EFCC1: variants seen among roughly 807,000 people sequenced by gnomAD.
EFCC1 encodes EF-hand and coiled-coil domain containing 1, also known as EF-hand and coiled-coil domain-containing protein 1.
A neutral mutation model predicts 52.1 loss-of-function variants in EFCC1; 50 were observed. The observed-to-expected ratio is 0.96, with a 90% CI of 0.76 to 1.21. The LOEUF (loss-of-function observed/expected upper bound fraction) is 1.21. Among genes scored for constraint, EFCC1 ranks in the 50% most tolerant of loss-of-function variants. The pLI is 0.00. For synonymous variants in EFCC1, 399 were observed against 396.5 expected, an observed-to-expected ratio of 1.01 and a Z score of -0.08; for missense variants, 837 against 867.3, an observed-to-expected ratio of 0.97 and a Z score of 0.44.
intron 2 of EFCC1, among the ~76,000 whole-genome samples, chr3:129,027,490 G>A (rs1178431716): frequency 1.3e-5 from 2 of 152,176 alleles, no homozygotes; most frequent in African/African-American, 2.4e-5. Context: ...CGGATCAGCC[G>A]CGGGAGGCTC....
At chr3:129,022,835 G>A (rs532421918) in intron 2 of EFCC1, among the ~76,000 whole-genome samples, 3 of 152,366 alleles carry the variant, frequency 2.0e-5, no homozygotes, top group Admixed American at 6.5e-5. Context: ...AAGTGCGGCA[G>A]GCAGGGGTGA....
In EFCC1 at chr3:129,037,069, G is replaced by A. The variant is rs1395328601; in HGVS notation, c.1545G>A (p.Glu515=). 6.2e-7 allele frequency: 1 copy of A among 1,613,184 alleles called. No homozygotes were observed. Among genetic ancestry groups the A allele is most frequent in the Non-Finnish European group, 8.5e-7 (1 of 1,179,778 alleles). Residue 515 remains glutamate (E), a synonymous_variant, in exon 6 of 8, where the codon GAG becomes GAA. Transcript: ENST00000683648. ...AGAGGGTGCGGCTGTCCCTGCTGGAGGAGAAGCTGGTGGACGTGCTGCAGC... is the reference window on the plus strand; with the variant it reads ...AGAGGGTGCGGCTGTCCCTGCTGGAAGAGAAGCTGGTGGACGTGCTGCAGC... ...ETERVRLSLL[E]EKLVDVLQLL...
intron 6 of EFCC1, among the ~76,000 whole-genome samples, chr3:129,038,011 C>T (rs1946377909): frequency 6.6e-6 from 1 of 151,648 alleles, no homozygotes; most frequent in East Asian, 1.9e-4. Context: ...TTGCAGTGAG[C>T]TGAGATTGTG....
intron 2 of EFCC1, among the ~76,000 whole-genome samples, chr3:129,030,070 C>T (rs1056413927): frequency 9.2e-5 from 14 of 151,834 alleles, no homozygotes; most frequent in African/African-American, 3.1e-4. Flanking sequence ...CCTGTAGTCC[C>T]AGCTAATTGT....
chr3:129,015,423 G>C (rs1057110958), intron 2 of EFCC1, among the ~76,000 whole-genome samples: 3 of 152,110 alleles, frequency 2.0e-5, no homozygotes, highest in African/African-American at 2.4e-5. Flanking sequence ...CTCCTTCGGG[G>C]GGGGAGGTTG....
At chr3:129,018,172 G>A (rs1256301497) in intron 2 of EFCC1, among the ~76,000 whole-genome samples, 1 of 152,092 alleles carries the variant, frequency 6.6e-6, no homozygotes, top group Non-Finnish European at 1.5e-5. Flanking sequence ...GCTGGCCTTG[G>A]GAGTAAAGAT....
At chr3:129,015,591 C>G (rs1381052641) in intron 2 of EFCC1, among the ~76,000 whole-genome samples, 3 of 152,078 alleles carry the variant, frequency 2.0e-5, no homozygotes, top group Non-Finnish European at 4.4e-5. Context: ...CACGGCGCCC[C>G]CGAGAGCTGA....
Position 129,034,338 on chromosome 3 carries a change from A to C in EFCC1, c.1452+9A>C. 1 of 1,613,350 alleles carries C rather than the reference A, an allele frequency of 6.2e-7. No individual in the cohort carries two copies. The highest frequency in any genetic ancestry group is 8.5e-7 in the Non-Finnish European group (1 of 1,179,750). ...GGACCTCTGAGGAGGAGGTCAGCAG[A>C]GCCTAGAGATCAAAGGCTGGAGCAA... is the stretch of plus-strand genomic sequence containing the variant. On this transcript the variant is annotated intron_variant, in intron 5 of 7. Transcript: ENST00000683648.
chr3:129,002,483 C>G, intron 1 of EFCC1, 159 bp downstream of exon 1: 1 of 1,328,464 alleles, frequency 7.5e-7, no homozygotes, highest in Non-Finnish European at 9.7e-7. Context: ...GCATCTTGCC[C>G]CTGTTCCTCC....
In EFCC1 at chr3:129,040,091, C is replaced by T. The variant is rs563240521; in HGVS notation, c.*243C>T. 2.9e-4 allele frequency: 136 copies of T among 470,634 alleles called. 1 individual carries two copies. Among genetic ancestry groups the T allele is most frequent in the African/African-American group, 2.2e-3 (109 of 50,112 alleles). The allele number at this position is 470,634 out of a possible 1,614,324, so 29.2% of individuals were successfully genotyped here. ...CCCCTGCATTCCTGCCACCAGAGTCCACATTAAAGCCCTGCAGTTGCTGGA... is the reference window on the plus strand; with the variant it reads ...CCCCTGCATTCCTGCCACCAGAGTCTACATTAAAGCCCTGCAGTTGCTGGA... On this transcript the variant is annotated 3_prime_UTR_variant, in exon 8 of 8. Transcript: ENST00000683648. This position sits in a 1 kb window ranked among gnomAD's most constrained non-coding sequence, Gnocchi z 4.4.
Position 129,001,955 on chromosome 3 carries a change from C to T in EFCC1, c.327C>T (p.Thr109=), listed in dbSNP as rs753330341. 2.6e-6 allele frequency: 4 copies of T among 1,544,062 alleles called. No individual in the cohort carries two copies. The highest frequency in any genetic ancestry group is 1.7e-6 in the Non-Finnish European group (2 of 1,144,248). Residue 109 remains threonine, a synonymous_variant, in exon 1 of 8, where the codon ACC becomes ACT. Coordinates refer to ENST00000683648, the MANE Select transcript of EFCC1 (RefSeq NM_001377500.1). ...GTGACGGGAACTCCAGAGATGTGAC[C>T]CCCGGGGATGCGGCCGCTGAGTTGG... ...AAGDGNSRDV[T]PGDAAAELAT... is the part of the protein sequence containing the mutation.
Position 129,037,057 on chromosome 3 carries a change from G to A in EFCC1, c.1533G>A (p.Leu511=), listed in dbSNP as rs552830863. 1 of 1,613,460 alleles carries A rather than the reference G, an allele frequency of 6.2e-7. No homozygotes were observed. Among genetic ancestry groups the A allele is most frequent in the African/African-American group, 1.3e-5 (1 of 74,932 alleles). Residue 511 remains leucine, a synonymous_variant, in exon 6 of 8, where the codon CTG becomes CTA. Transcript: ENST00000683648. ...TGGTAGAGACCGAGAGGGTGCGGCTGTCCCTGCTGGAGGAGAAGCTGGTGG... is the reference window on the plus strand; with the variant it reads ...TGGTAGAGACCGAGAGGGTGCGGCTATCCCTGCTGGAGGAGAAGCTGGTGG... ...LQMVETERVR[L]SLLEEKLVDV...
chr3:129,002,459 G>T (rs1489267093), intron 1 of EFCC1, 135 bp downstream of exon 1: 15 of 1,377,920 alleles, frequency 1.1e-5, no homozygotes, highest in Non-Finnish European at 1.4e-5. Context: ...ATCCCACTCC[G>T]CATCAGCACA....
chr3:129,029,489 G>C (rs1005901825), intron 2 of EFCC1, among the ~76,000 whole-genome samples: 1 of 152,136 alleles, frequency 6.6e-6, no homozygotes, highest in Non-Finnish European at 1.5e-5. Flanking sequence ...AAATCCCAGT[G>C]CTTTTGGAGG....
chr3:129,038,410 C>T (rs1946383763), intron 6 of EFCC1, among the ~76,000 whole-genome samples: 1 of 152,242 alleles, frequency 6.6e-6, no homozygotes, highest in South Asian at 2.1e-4. Context: ...GATGATGCAG[C>T]CCCTCCACCT....
chr3:129,002,342 A>G lies in EFCC1; in HGVS notation c.696+18A>G. ...CACTGCAGGTGCGCGCCGGCCACGA[A>G]GGGAGGGTGGTAACGCCCGGGAGAG... On this transcript the variant is annotated intron_variant, in intron 1 of 7. Coordinates refer to ENST00000683648, the MANE Select transcript of EFCC1 (RefSeq NM_001377500.1). The G allele has an allele frequency of 6.6e-7, 1 of 1,511,996 alleles. No homozygotes were observed. Among genetic ancestry groups the G allele is most frequent in the Admixed American group, 2.1e-5 (1 of 48,202 alleles). 93.7% of individuals were successfully genotyped at this position (1,511,996 alleles called of 1,614,324 possible).
Position 129,001,539 on chromosome 3 carries a change from T to C in EFCC1, c.-90T>C, listed in dbSNP as rs1258418799. On this transcript the variant is annotated 5_prime_UTR_variant, in exon 1 of 8. Coordinates refer to ENST00000683648, the MANE Select transcript of EFCC1 (RefSeq NM_001377500.1). The stretch of plus-strand genomic sequence containing the variant: ...AACCAGACCGCGACCGCTAAGCCCC[T>C]CCTTTCGAGAAACTCTGGGGCCGCC... 1.5e-6 allele frequency: 2 copies of C among 1,340,832 alleles called. No individual in the cohort carries two copies. The highest frequency in any genetic ancestry group is 3.9e-5 in the South Asian group (2 of 51,540). The allele number at this position is 1,340,832 out of a possible 1,614,324, so 83.1% of individuals were successfully genotyped here.
At chr3:129,004,108 T>C in intron 2 of EFCC1, 31 bp downstream of exon 2, 2 of 1,460,314 alleles carry the variant, frequency 1.4e-6, no homozygotes, top group African/African-American at 1.5e-5. Context: ...TGGGCCCAAG[T>C]TCCCCAATTC....
chr3:129,006,879 A>G (rs1358593106), intron 2 of EFCC1, among the ~76,000 whole-genome samples: 1 of 152,066 alleles, frequency 6.6e-6, no homozygotes, highest in Non-Finnish European at 1.5e-5. Context: ...ACCTGCCCCA[A>G]AGCTCTCACT....
Sources: gnomAD v4.1 joint callset for allele counts (sites outside exome capture counted in the v4.1 genomes callset) on GRCh38, gnomAD v4.1.1 for gene constraint, Gnocchi (gnomAD v3.1) non-coding constraint, MANE v1.5 for transcripts, NCBI Gene and HGNC (gene_info 2026-07-23, HGNC 2026-07-21) for gene names.